NGLY1: variants seen among roughly 807,000 people sequenced by gnomAD.
NGLY1 encodes the protein N-glycanase 1.
A neutral mutation model predicts 84.6 loss-of-function variants in NGLY1; 68 were observed. The ratio of observed to expected loss-of-function variants is 0.80; its 90% confidence interval spans 0.66 to 0.98. The LOEUF is 0.98. Ranked by LOEUF, NGLY1 falls within the 50% of genes least tolerant of loss-of-function variation. NGLY1 has a pLI of 0.00. For missense variants in NGLY1, 779 were observed against 770.2 expected, an observed-to-expected ratio of 1.01 and a Z score of -0.14; for synonymous variants, 280 against 275.2, an observed-to-expected ratio of 1.02 and a Z score of -0.17.
chr3:25,736,414 A>AC, intron 6 of NGLY1: 1 of 1,535,488 alleles, frequency 6.5e-7, no homozygotes, highest in East Asian at 2.5e-5. Flanking sequence ...AAGAAGGTAG[A>AC]CATATTAAAG....
At chr3:25,735,885 A>C (rs2125474981) in intron 7 of NGLY1, 119 bp downstream of exon 7, 1 of 905,116 alleles carries the variant, frequency 1.1e-6, no homozygotes, top group Middle Eastern at 3.1e-4. Context: ...AAACTTATCA[A>C]ACTGTACAAT....
At chr3:25,763,955 A>C in intron 3 of NGLY1, 111 bp downstream of exon 3, 1 of 1,401,682 alleles carries the variant, frequency 7.1e-7, no homozygotes, top group South Asian at 1.4e-5. Flanking sequence ...ATAAGAACTA[A>C]GAACAAAATA....
rs766828621 is a variant in NGLY1, at chr3:25,729,297, G to T, written c.1447C>A (p.Pro483Thr). ...GLQRKETLFI[P>T]CENEKISKQL... Reference sequence around the variant, plus strand: ...TTAGAAATCTTCTCATTTTCACAGGGAATAAACAAGGTTTCTTTTCTCTTA... The same window carrying T: ...TTAGAAATCTTCTCATTTTCACAGGTAATAAACAAGGTTTCTTTTCTCTTA... Residue 483 changes from proline to threonine, a missense_variant, in exon 10 of 12, where the codon CCC (proline) becomes ACC (threonine). Transcript: ENST00000280700. 8.5e-6 allele frequency: 12 copies of T among 1,419,382 alleles called. No individual in the cohort carries two copies. The African/African-American group carries it at 1.8e-4, about 21-fold the overall frequency. 87.9% of individuals were successfully genotyped at this position (1,419,382 alleles called of 1,614,324 possible). A position where few individuals can be genotyped will look rare whatever the true frequency, so the allele number is the denominator to read the frequency against.
intron 3 of NGLY1, among the ~76,000 whole-genome samples, 163 bp from the exon 4 acceptor site, chr3:25,751,426 G>C (rs1188797829): frequency 6.6e-6 from 1 of 152,174 alleles, no homozygotes; most frequent in Non-Finnish European, 1.5e-5. Context: ...TTAGTATTAG[G>C]AGACAGCCAC....
intron 2 of NGLY1, among the ~76,000 whole-genome samples, chr3:25,777,435 A>C (rs1192540507): frequency 6.7e-6 from 1 of 149,360 alleles, no homozygotes; most frequent in South Asian, 2.1e-4. Context: ...GTGGCTTCTC[A>C]TCTCACTTAA....
chr3:25,780,126 T>C (rs1049614998), intron 1 of NGLY1, among the ~76,000 whole-genome samples: 6 of 152,244 alleles, frequency 3.9e-5, no homozygotes, highest in South Asian at 2.1e-4. Flanking sequence ...CTATATGTAA[T>C]TTGAGAATCA....
intron 2 of NGLY1, 143 bp downstream of exon 2, chr3:25,778,431 C>T: frequency 2.2e-6 from 1 of 463,962 alleles, no homozygotes; most frequent in Admixed American, 4.0e-5. Context: ...TTTAAATGTC[C>T]AATCAATGAA....
intron 2 of NGLY1, among the ~76,000 whole-genome samples, chr3:25,767,654 C>T (rs955240302): frequency 5.3e-5 from 8 of 152,066 alleles, no homozygotes; most frequent in African/African-American, 1.2e-4. Flanking sequence ...GACAAGTGGG[C>T]CTAAAAGTAT....
At chr3:25,781,475 T>G (rs924980524) in intron 1 of NGLY1, among the ~76,000 whole-genome samples, 3 of 152,162 alleles carry the variant, frequency 2.0e-5, no homozygotes, top group African/African-American at 7.2e-5. Flanking sequence ...GACATTAGAC[T>G]TCAAACCCAT....
At position 25,749,621 on chromosome 3, in the gene NGLY1, G is replaced by T. The variant is rs1399653009; in HGVS notation, c.658+1477C>A. 2.6e-5 allele frequency: 38 copies of T among 1,461,806 alleles called. 1 individual carries two copies. In the South Asian group the frequency reaches 3.9e-4, roughly 15 times the overall value. 90.6% of individuals were successfully genotyped at this position (1,461,806 alleles called of 1,614,324 possible). A position where few individuals can be genotyped will look rare whatever the true frequency, so the allele number is the denominator to read the frequency against. ...GAAACCCAGAGGTATTGACGACAGG[G>T]TTCATAGAAGGTTCAAGAGCCAGAT... On this transcript the variant is annotated intron_variant, in intron 4 of 11. Transcript: ENST00000280700.
intron 4 of NGLY1, 90 bp downstream of exon 4, chr3:25,751,008 T>C: frequency 7.5e-7 from 1 of 1,325,176 alleles, no homozygotes. Flanking sequence ...TTCAAACCCA[T>C]GTTCTTCAAG....
chr3:25,730,646 T>C (rs1442567820), intron 9 of NGLY1: 1 of 152,170 alleles, frequency 6.6e-6, no homozygotes, highest in African/African-American at 2.4e-5. Context: ...TGAATTTGGA[T>C]CTTGTAATCC....
At chr3:25,727,648 G>T (rs1395170875) in intron 10 of NGLY1, among the ~76,000 whole-genome samples, 3 of 152,160 alleles carry the variant, frequency 2.0e-5, no homozygotes, top group African/African-American at 7.2e-5. Flanking sequence ...TAGATCGTGA[G>T]GTCAGGAATC....
intron 4 of NGLY1, among the ~76,000 whole-genome samples, chr3:25,750,268 T>G (rs1358782494): frequency 6.6e-6 from 1 of 152,152 alleles, no homozygotes; most frequent in South Asian, 2.1e-4. Context: ...TACCTCCAAC[T>G]GGTCCCACCC....
chr3:25,755,809 C>A, intron 3 of NGLY1: 1 of 567,346 alleles, frequency 1.8e-6, no homozygotes, highest in East Asian at 2.9e-5. Context: ...ACTGTTAGAT[C>A]TCTTTAGTAA....
At chr3:25,750,967 A>G in intron 4 of NGLY1, 131 bp downstream of exon 4, 1 of 882,486 alleles carries the variant, frequency 1.1e-6, no homozygotes, top group Non-Finnish European at 1.6e-6. Context: ...GTTTGGTTTA[A>G]AAGAATCCAC....
At chr3:25,722,645 T>C (rs1705061326) in intron 10 of NGLY1, among the ~76,000 whole-genome samples, 1 of 152,212 alleles carries the variant, frequency 6.6e-6, no homozygotes, top group South Asian at 2.1e-4. Flanking sequence ...CTGTTATTTG[T>C]TGTTGACAAA....
chr3:25,782,254 CTA>C (rs533816954), intron 1 of NGLY1, among the ~76,000 whole-genome samples: 25 of 152,248 alleles, frequency 1.6e-4, no homozygotes, highest in African/African-American at 5.5e-4. Flanking sequence ...CACGTGAAAC[CTA>C]TAACCTTGAA....
intron 1 of NGLY1, among the ~76,000 whole-genome samples, chr3:25,789,579 T>C (rs1429174357): frequency 6.6e-6 from 1 of 152,186 alleles, no homozygotes; most frequent in Non-Finnish European, 1.5e-5. Flanking sequence ...CATTAATAAA[T>C]ATTCACCTGC....
Sources: gnomAD v4.1 joint callset for allele counts (sites outside exome capture counted in the v4.1 genomes callset) on GRCh38, gnomAD v4.1.1 for gene constraint, MANE v1.5 for transcripts, NCBI Gene and HGNC (gene_info 2026-07-23, HGNC 2026-07-21) for gene names.